The following HCN1 variants were observed in gnomAD, a reference collection of about 807,000 sequenced individuals.
HCN1 encodes the protein hyperpolarization activated cyclic nucleotide gated potassium channel 1, also known as potassium/sodium hyperpolarization-activated cyclic nucleotide-gated channel 1.
Under a neutral mutation model 78.9 loss-of-function variants are expected in HCN1, and 13 were observed. The ratio of observed to expected loss-of-function variants is 0.16; its 90% CI spans 0.11 to 0.26. HCN1 has a LOEUF of 0.26. HCN1 is among the 10% of genes least tolerant of loss of function. HCN1 has a pLI of 1.00. For synonymous variants in HCN1, 552 were observed against 455.5 expected (o/e 1.21, Z -2.70); for missense variants, 810 against 1,154.3 (o/e 0.70, Z 4.32).
intron 5 of HCN1, among the ~76,000 whole-genome samples, chr5:45,338,713 G>T (rs1170397045): frequency 6.6e-6 from 1 of 152,056 alleles, no homozygotes; most frequent in African/African-American, 2.4e-5. Context: ...ATATTTTACT[G>T]CTTTTTAGAC....
chr5:45,626,379 C>T (rs1745163784), intron 2 of HCN1, among the ~76,000 whole-genome samples: 1 of 152,162 alleles, frequency 6.6e-6, no homozygotes, highest in Admixed American at 6.5e-5. Context: ...AACAATCACT[C>T]CTGAGTGCTC....
chr5:45,397,927 A>T (rs1410281419), intron 3 of HCN1, among the ~76,000 whole-genome samples: 1 of 151,636 alleles, frequency 6.6e-6, no homozygotes, highest in Non-Finnish European at 1.5e-5. Flanking sequence ...AAATGACATT[A>T]GTTGCTCTTG....
rs527499919 is a variant in HCN1 at position 45,647,547 on chromosome 5, T to G, written c.426-1939A>C. Reference sequence around the variant, plus strand: ...ATTGCCCTTGAGAAATATTATACACTTATCCATGCCTTTAATAATTAATTT... The same window carrying G: ...ATTGCCCTTGAGAAATATTATACACGTATCCATGCCTTTAATAATTAATTT... On this transcript the variant is annotated intron_variant, in intron 1 of 7. Transcript: ENST00000303230. Among the ~76,000 whole-genome samples, 24 of 152,238 alleles carry G rather than the reference T, an allele frequency of 1.6e-4. No homozygotes were observed. In the East Asian group the frequency reaches 4.4e-3, roughly 28 times the overall value.
Position 45,582,565 on chromosome 5 carries a change from G to A in HCN1, c.849+62620C>T, listed in dbSNP as rs185874309. 7.8e-3 allele frequency among the ~76,000 whole-genome samples: 1,194 copies of A among 152,248 alleles called. 8 individuals are homozygous for A. Among genetic ancestry groups the A allele is most frequent in the Non-Finnish European group, 0.013 (863 of 68,022 alleles). ...AGAACTTCCAACACTATGTTGAATA[G>A]GAGTGGTGAGAGAGGGCATCCCTGT... On this transcript the variant is annotated intron_variant, in intron 2 of 7. Transcript: ENST00000303230.
At chr5:45,358,542 C>T (rs990841881) in intron 4 of HCN1, among the ~76,000 whole-genome samples, 1 of 152,078 alleles carries the variant, frequency 6.6e-6, no homozygotes, top group Non-Finnish European at 1.5e-5. Flanking sequence ...ACTACATTCA[C>T]TGTACCTATT....
At chr5:45,370,039 C>CA (rs2112002809) in intron 4 of HCN1, among the ~76,000 whole-genome samples, 1 of 151,716 alleles carries the variant, frequency 6.6e-6, no homozygotes, top group African/African-American at 2.4e-5. Context: ...AAAAACCTCT[C>CA]AGTTAATTTT....
chr5:45,576,327 T>C (rs1202348288), intron 2 of HCN1: 1 of 152,154 alleles, frequency 6.6e-6, no homozygotes, highest in African/African-American at 2.4e-5. Flanking sequence ...TTTGGACTAT[T>C]ACATAAACTT....
chr5:45,597,857 G>A (rs1232451395), intron 2 of HCN1, among the ~76,000 whole-genome samples: 1 of 152,066 alleles, frequency 6.6e-6, no homozygotes, highest in Non-Finnish European at 1.5e-5. Context: ...TAACTTACAA[G>A]GGCTGTGAAG....
intron 2 of HCN1, among the ~76,000 whole-genome samples, chr5:45,611,400 T>G (rs1245731084): frequency 6.6e-6 from 1 of 150,860 alleles, no homozygotes; most frequent in Non-Finnish European, 1.5e-5. Context: ...TCCTCCTGAG[T>G]AGCTGGGATT....
intron 5 of HCN1, among the ~76,000 whole-genome samples, chr5:45,307,875 A>C (rs1745768689): frequency 6.6e-6 from 1 of 152,144 alleles, no homozygotes; most frequent in South Asian, 2.1e-4. Context: ...TAAGGTATTA[A>C]AAACGGGGGA....
At chr5:45,494,005 G>A (rs1349978231) in intron 2 of HCN1, among the ~76,000 whole-genome samples, 1 of 152,042 alleles carries the variant, frequency 6.6e-6, no homozygotes, top group African/African-American at 2.4e-5. Context: ...TATCATTGTT[G>A]GACATTTGGC....
intron 4 of HCN1, among the ~76,000 whole-genome samples, chr5:45,375,218 T>G (rs1429656391): frequency 2.6e-5 from 3 of 116,360 alleles, no homozygotes; most frequent in Non-Finnish European, 4.9e-5. Context: ...TAATATATAA[T>G]ATAATATTTT....
At chr5:45,428,418 T>G (rs1206003815) in intron 3 of HCN1, among the ~76,000 whole-genome samples, 2 of 152,032 alleles carry the variant, frequency 1.3e-5, no homozygotes, top group African/African-American at 4.8e-5. Flanking sequence ...ATTAACTTGC[T>G]TTTCAACTAT....
chr5:45,592,516 T>C lies in HCN1; in HGVS notation c.849+52669A>G, dbSNP rs1579988384. 2.6e-5 allele frequency among the ~76,000 whole-genome samples: 4 copies of C among 152,302 alleles called. 1 individual carries two copies. The highest frequency in any genetic ancestry group is 2.6e-4 in the Admixed American group (4 of 15,292). On this transcript the variant is annotated intron_variant, in intron 2 of 7. Transcript: ENST00000303230. ...ATTAATCTATGTATTATCATATTTA[T>C]ACATTTCTAGGCCTTTTCTGAATCT...
chr5:45,552,703 T>C (rs1342990970), intron 2 of HCN1, among the ~76,000 whole-genome samples: 1 of 151,958 alleles, frequency 6.6e-6, no homozygotes, highest in Non-Finnish European at 1.5e-5. Context: ...ACTCATCCAC[T>C]CAAAAATAGC....
chr5:45,521,888 A>T (rs1205737250), intron 2 of HCN1, among the ~76,000 whole-genome samples: 2 of 152,030 alleles, frequency 1.3e-5, no homozygotes, highest in African/African-American at 4.8e-5. Context: ...TGGTAGAATA[A>T]TTTTACAGAA....
At chr5:45,317,633 C>T (rs1746022990) in intron 5 of HCN1, among the ~76,000 whole-genome samples, 1 of 152,070 alleles carries the variant, frequency 6.6e-6, no homozygotes, top group South Asian at 2.1e-4. Context: ...AGGCAACCTA[C>T]AGAATGGGAG....
Position 45,260,382 on chromosome 5 carries a change from G to C in HCN1, c.*1539C>G, listed in dbSNP as rs1744707803. On this transcript the variant is annotated 3_prime_UTR_variant, in exon 8 of 8. Transcript: ENST00000303230. ...TAAGGGAGTTCTTTGAGAAGAAGCA[G>C]GTGCTCACAGATCATGTAAAGAGTT... The C allele has an allele frequency of 6.6e-6, 1 of 152,176 alleles. No individual in the cohort carries two copies. Among genetic ancestry groups the C allele is most frequent in the African/African-American group, 2.4e-5 (1 of 41,432 alleles). The allele number at this position is 152,176 out of a possible 1,614,324, so 9.4% of individuals were successfully genotyped here.
chr5:45,650,290 C>T (rs1473157653), intron 1 of HCN1, among the ~76,000 whole-genome samples: 3 of 151,948 alleles, frequency 2.0e-5, no homozygotes, highest in East Asian at 1.9e-4. Context: ...AGAGAAGCCA[C>T]GACACAAAAA....
Sources: allele counts gnomAD v4.1 joint callset (sites outside exome capture counted in the v4.1 genomes callset), GRCh38; gene constraint gnomAD v4.1.1; transcripts MANE v1.5; gene names NCBI Gene and HGNC (gene_info 2026-07-23, HGNC 2026-07-21).